The following PXT1 variants were observed in gnomAD, a reference collection of about 807,000 sequenced individuals.
PXT1 encodes peroxisomal testis-specific protein 1.
Under a neutral mutation model 11.0 loss-of-function variants are expected in PXT1, and 11 were observed. That is an observed-to-expected ratio of 1.00 (90% CI 0.63 to 1.66). The LOEUF (loss-of-function observed/expected upper bound fraction) is 1.66, where lower values mean the gene tolerates loss of function less well. Among genes scored for constraint, PXT1 ranks in the 40% most tolerant of loss-of-function variants. The pLI is 0.00. For synonymous variants in PXT1, 43 were observed against 51.4 expected (o/e 0.84, Z 0.70); for missense variants, 141 against 155.5 (o/e 0.91, Z 0.49).
chr6:36,430,966 C>T (rs1774683780), intron 2 of PXT1, among the ~76,000 whole-genome samples: 1 of 152,010 alleles, frequency 6.6e-6, no homozygotes, highest in Non-Finnish European at 1.5e-5. Flanking sequence ...AGGAGCTCAC[C>T]ACCACGCCCA....
chr6:36,441,491 G>A (rs962988493), intron 1 of PXT1, among the ~76,000 whole-genome samples: 1 of 152,162 alleles, frequency 6.6e-6, no homozygotes, highest in Non-Finnish European at 1.5e-5. Flanking sequence ...GAAGTGAAAA[G>A]GCCACTCACT....
At position 36,398,948 on chromosome 6, in the gene PXT1, T is replaced by C. The variant is rs543901219; in HGVS notation, c.300+1506A>G. Among the ~76,000 whole-genome samples the C allele has an allele frequency of 6.6e-5, 10 of 152,242 alleles. No homozygotes were observed. The South Asian group carries it at 1.9e-3, about 28-fold the overall frequency. On this transcript the variant is annotated intron_variant, in intron 4 of 4. Transcript: ENST00000454782. ...TGTTATCTGCCCCCTCCCCACATCATTTCTATGAGCCCTGCTGCTCACTGC... is the reference window on the plus strand; with the variant it reads ...TGTTATCTGCCCCCTCCCCACATCACTTCTATGAGCCCTGCTGCTCACTGC...
At chr6:36,398,083 G>A (rs1158196977) in intron 4 of PXT1, among the ~76,000 whole-genome samples, 1 of 151,616 alleles carries the variant, frequency 6.6e-6, no homozygotes, top group African/African-American at 2.4e-5. Context: ...GATATGAATA[G>A]ACATTTCTCC....
chr6:36,439,935 T>C (rs1774831019), intron 1 of PXT1, among the ~76,000 whole-genome samples: 1 of 152,130 alleles, frequency 6.6e-6, no homozygotes, highest in African/African-American at 2.4e-5. Flanking sequence ...ACTTCCTCTC[T>C]ACAAATTAAA....
chr6:36,414,671 T>C (rs1774423918), intron 3 of PXT1, among the ~76,000 whole-genome samples: 1 of 152,152 alleles, frequency 6.6e-6, no homozygotes, highest in Non-Finnish European at 1.5e-5. Context: ...TTCAAGGAAG[T>C]ATTTGAACAT....
At position 36,391,766 on chromosome 6, in the gene PXT1, C is replaced by T. The variant is rs1561922682; in HGVS notation, c.*4G>A. 1 of 1,599,498 alleles carries T rather than the reference C, an allele frequency of 6.3e-7. No individual in the cohort carries two copies. The highest frequency in any genetic ancestry group is 1.7e-4 in the Middle Eastern group (1 of 6,032). ...AACTTGACCACTTGACCTTTACTTTCCTTTTACAGCAAATGGTTGTTCCAG... is the reference window on the plus strand; with the variant it reads ...AACTTGACCACTTGACCTTTACTTTTCTTTTACAGCAAATGGTTGTTCCAG... On this transcript the variant is annotated 3_prime_UTR_variant, in exon 5 of 5. Transcript: ENST00000454782.
chr6:36,415,408 C>T (rs1774433902), intron 3 of PXT1, among the ~76,000 whole-genome samples: 2 of 152,152 alleles, frequency 1.3e-5, no homozygotes, highest in Admixed American at 6.6e-5. Context: ...CGCACCACTG[C>T]ACTCCAGCCT....
chr6:36,421,374 C>T (rs9366904), intron 3 of PXT1, among the ~76,000 whole-genome samples: 68,132 of 151,770 alleles, frequency 0.45, 16,048 homozygotes, highest in Middle Eastern at 0.55. Flanking sequence ...GGCAGGAAGA[C>T]CACTTGAGCC....
intron 3 of PXT1, among the ~76,000 whole-genome samples, chr6:36,410,938 C>A (rs1774363934): frequency 6.6e-6 from 1 of 152,148 alleles, no homozygotes; most frequent in South Asian, 2.1e-4. Context: ...ATGTAACCTG[C>A]CACAAGTTAT....
intron 2 of PXT1, among the ~76,000 whole-genome samples, chr6:36,429,923 G>A (rs1274285173): frequency 6.6e-6 from 1 of 151,880 alleles, no homozygotes; most frequent in Non-Finnish European, 1.5e-5. Context: ...TTTTGGCCAG[G>A]CACAGTGGCT....
chr6:36,395,072 G>A (rs1472438397), intron 4 of PXT1, among the ~76,000 whole-genome samples: 1 of 152,054 alleles, frequency 6.6e-6, no homozygotes, highest in Non-Finnish European at 1.5e-5. Flanking sequence ...CAAACTCCTG[G>A]CCTCAGCCTC....
chr6:36,425,267 A>G (rs1480329485), intron 3 of PXT1, among the ~76,000 whole-genome samples: 5 of 152,170 alleles, frequency 3.3e-5, no homozygotes, highest in Non-Finnish European at 7.3e-5. Context: ...CCCTACCTTA[A>G]CAATACTGAC....
chr6:36,398,731 C>G (rs1774175673), intron 4 of PXT1, among the ~76,000 whole-genome samples: 1 of 152,120 alleles, frequency 6.6e-6, no homozygotes, highest in Admixed American at 6.6e-5. Context: ...GTTCCCTCTG[C>G]CTGGAACACT....
At chr6:36,421,778 C>A (rs767788759) in intron 3 of PXT1, among the ~76,000 whole-genome samples, 2 of 152,128 alleles carry the variant, frequency 1.3e-5, no homozygotes, top group Non-Finnish European at 2.9e-5. Flanking sequence ...TTAGTTTCTA[C>A]AAACTTTTTA....
chr6:36,395,176 T>G (rs1320987345), intron 4 of PXT1, among the ~76,000 whole-genome samples: 1 of 152,154 alleles, frequency 6.6e-6, no homozygotes, highest in African/African-American at 2.4e-5. Flanking sequence ...GACAGAGCAC[T>G]TGCTTAAGTA....
chr6:36,413,520 G>A (rs563280999), intron 3 of PXT1, among the ~76,000 whole-genome samples: 49 of 152,156 alleles, frequency 3.2e-4, no homozygotes, highest in Admixed American at 1.4e-3. Flanking sequence ...AAACACCAAG[G>A]ATAAATAGAA....
intron 3 of PXT1, among the ~76,000 whole-genome samples, chr6:36,425,101 GT>G (rs1288409443): frequency 6.6e-6 from 1 of 152,098 alleles, no homozygotes; most frequent in African/African-American, 2.4e-5. Context: ...ACCTAACACT[GT>G]CCTTTAATGC....
chr6:36,435,096 A>C (rs936718946), intron 2 of PXT1, among the ~76,000 whole-genome samples: 6 of 152,144 alleles, frequency 3.9e-5, no homozygotes, highest in Admixed American at 2.6e-4. Flanking sequence ...TTCCAGAAAA[A>C]AAAAAGAAAA....
intron 1 of PXT1, among the ~76,000 whole-genome samples, chr6:36,442,070 TA>T (rs1774880209): frequency 6.6e-6 from 1 of 151,214 alleles, no homozygotes; most frequent in Non-Finnish European, 1.5e-5. Context: ...TATATAGACA[TA>T]TATATATATA....
Sources: gnomAD v4.1 joint callset for allele counts (sites outside exome capture counted in the v4.1 genomes callset) on GRCh38, gnomAD v4.1.1 for gene constraint, MANE v1.5 for transcripts, NCBI Gene and HGNC (gene_info 2026-07-23, HGNC 2026-07-21) for gene names.